The following DNAJB14 variants were observed in gnomAD, a reference collection of about 807,000 sequenced individuals.
DNAJB14 encodes the protein DnaJ heat shock protein family (Hsp40) member B14, also known as dnaJ homolog subfamily B member 14.
Under a neutral mutation model 48.4 loss-of-function variants are expected in DNAJB14, and 22 were observed. That is an observed-to-expected ratio of 0.45 (90% CI 0.32 to 0.65). The LOEUF (loss-of-function observed/expected upper bound fraction) is 0.65, where lower values mean the gene tolerates loss of function less well. DNAJB14 is among the 30% of genes least tolerant of loss of function. The probability of loss-of-function intolerance (pLI) is 0.03; values close to 1 mark genes in which losing one functional copy is unlikely to be tolerated. For synonymous variants in DNAJB14, 142 were observed against 158.7 expected (o/e 0.89, Z 0.79); for missense variants, 319 against 458.8 (o/e 0.70, Z 2.78).
intron 2 of DNAJB14, chr4:99,926,515 A>G (rs1286423109): frequency 6.6e-6 from 1 of 152,170 alleles, no homozygotes; most frequent in Non-Finnish European, 1.5e-5. Flanking sequence ...GCAAAAAATA[A>G]AAGGTAAATT....
Position 99,938,097 on chromosome 4 carries a change from C to CAAAAAAAAAAAAAAAAAAAAAAAAAA in DNAJB14, c.134-7502_134-7477dup, listed in dbSNP as rs59597113. ...ACATGGCGAAACCATGTTAAAAATA[C>CAAAAAAAAAAAAAAAAAAAAAAAAAA]AAAAAAAAAAAAAAAAAAAAAAAAA... On this transcript the variant is annotated intron_variant, in intron 1 of 7. Transcript: ENST00000442697. 2.4e-4 allele frequency among the ~76,000 whole-genome samples: 10 copies of CAAAAAAAAAAAAAAAAAAAAAAAAAA among 40,978 alleles called. 1 individual carries two copies. The highest frequency in any genetic ancestry group is 3.1e-4 in the African/African-American group (4 of 12,712). 26.9% of individuals were successfully genotyped at this position (40,978 alleles called of 152,430 possible). A position where few individuals can be genotyped will look rare whatever the true frequency, so the allele number is the denominator to read the frequency against.
Position 99,906,549 on chromosome 4 carries a change from T to C in DNAJB14, c.700A>G (p.Ser234Gly), listed in dbSNP as rs1039693070. Residue 234 changes from serine to glycine, a missense_variant, in exon 5 of 8, where the codon AGT (serine) becomes GGT (glycine). By Grantham distance (56) the Ser-to-Gly change is moderately conservative (BLOSUM62 0). This residue lies in a region of DNAJB14 where 166 missense variants were observed against 236.3 expected (regional missense o/e 0.70). Transcript: ENST00000442697. Reference protein sequence around the residue: ...GYSQQHQHRHSGHEREEERGD... With the variant: ...GYSQQHQHRHGGHEREEERGD... ...CTTTCCTCTTCTCTTTCATGTCCACTATGTCGATGCTGATGTTGTTGGCTA... is the reference window on the plus strand; with the variant it reads ...CTTTCCTCTTCTCTTTCATGTCCACCATGTCGATGCTGATGTTGTTGGCTA... 6.2e-7 allele frequency: 1 copy of C among 1,611,480 alleles called. No homozygotes were observed.
intron 2 of DNAJB14, chr4:99,930,241 T>A (rs537455787): frequency 2.6e-6 from 1 of 390,518 alleles, no homozygotes; most frequent in South Asian, 1.3e-4. Context: ...GCTTTGTAAC[T>A]TGAGGTTACT....
Position 99,899,102 on chromosome 4 carries a change from G to T in DNAJB14, c.*1926C>A, listed in dbSNP as rs761866564. On this transcript the variant is annotated 3_prime_UTR_variant, in exon 8 of 8. Transcript: ENST00000442697. ...TATGACTTTATAATATATACTTTAT[G>T]GTATCACTTAACTTTGTACAATAAC... 6.6e-5 allele frequency: 10 copies of T among 151,750 alleles called. No homozygotes were observed. Among genetic ancestry groups the T allele is most frequent in the Non-Finnish European group, 1.2e-4 (8 of 67,774 alleles). 9.4% of individuals were successfully genotyped at this position (151,750 alleles called of 1,614,324 possible).
At chr4:99,930,758 C>T (rs1462782889) in intron 1 of DNAJB14, 137 bp from the exon 2 acceptor site, 7 of 841,686 alleles carry the variant, frequency 8.3e-6, no homozygotes, top group East Asian at 2.8e-5. Flanking sequence ...TTAATTAGCA[C>T]GCATTCCCCT....
intron 1 of DNAJB14, among the ~76,000 whole-genome samples, chr4:99,938,513 T>C (rs994693276): frequency 4.6e-5 from 7 of 152,048 alleles, no homozygotes; most frequent in African/African-American, 1.7e-4. Flanking sequence ...TGGGAGATCA[T>C]GTCTACAGCT....
rs186412137 is a variant in DNAJB14 at position 99,943,108 on chromosome 4, T to A, written c.133+3331A>T. On this transcript the variant is annotated intron_variant, in intron 1 of 7. Transcript: ENST00000442697. ...ATATAAAATACACTTCTCTGAGTAC[T>A]GGCATATAACTTTATTTCAGCTCAC... Among the ~76,000 whole-genome samples the A allele has an allele frequency of 1.2e-4, 18 of 152,328 alleles. No homozygotes were observed. The East Asian group carries it at 3.5e-3, about 29-fold the overall frequency.
chr4:99,939,419 AC>A (rs1419138364), intron 1 of DNAJB14, among the ~76,000 whole-genome samples: 1 of 152,310 alleles, frequency 6.6e-6, no homozygotes, highest in East Asian at 1.9e-4. Context: ...GGCCACGAAG[AC>A]CCACTGCATG....
intron 3 of DNAJB14, among the ~76,000 whole-genome samples, chr4:99,912,961 G>A (rs537653160): frequency 6.6e-6 from 1 of 152,240 alleles, no homozygotes; most frequent in East Asian, 1.9e-4. Context: ...AAATGCTAAT[G>A]TATTATTAAT....
chr4:99,902,709 T>C lies in DNAJB14; in HGVS notation c.1015+1017A>G, dbSNP rs1214005948. Among the ~76,000 whole-genome samples, 6 of 152,126 alleles carry C rather than the reference T, an allele frequency of 3.9e-5. No homozygotes were observed. In the South Asian group the frequency reaches 6.2e-4, roughly 16 times the overall value. On this transcript the variant is annotated intron_variant, in intron 7 of 7. Coordinates refer to ENST00000442697, the MANE Select transcript of DNAJB14 (RefSeq NM_001031723.4). ...AATTTTCACAACAAACCCCATAAAGTTGGTTATTTCTGAGAAGACGTTGGA... is the reference window on the plus strand; with the variant it reads ...AATTTTCACAACAAACCCCATAAAGCTGGTTATTTCTGAGAAGACGTTGGA...
rs1553944897 is a variant in DNAJB14, at chr4:99,897,201, A to AAAATAT, written c.*3826_*3827insATATTT. On this transcript the variant is annotated 3_prime_UTR_variant, in exon 8 of 8. Coordinates refer to ENST00000442697, the MANE Select transcript of DNAJB14 (RefSeq NM_001031723.4). Reference sequence around the variant, plus strand: ...TAATTAGCTGGGAAAAAAAAAAAAAAATATATATATATATATATACACCTA... The same window carrying AAAATAT: ...TAATTAGCTGGGAAAAAAAAAAAAAAAAATATATATATATATATATATATACACCTA... The AAAATAT allele has an allele frequency of 1.1e-4, 15 of 133,838 alleles. No homozygotes were observed. The highest frequency in any genetic ancestry group is 4.0e-4 in the African/African-American group (14 of 35,332). 8.3% of individuals were successfully genotyped at this position (133,838 alleles called of 1,614,324 possible).
intron 3 of DNAJB14, among the ~76,000 whole-genome samples, chr4:99,909,363 C>T (rs1725579066): frequency 6.6e-6 from 1 of 152,018 alleles, no homozygotes; most frequent in Non-Finnish European, 1.5e-5. Flanking sequence ...TTATTCTTAG[C>T]ACGATAAATA....
rs749146046 is a variant in DNAJB14 at position 99,946,618 on chromosome 4, C to A, written c.-47G>T. On this transcript the variant is annotated 5_prime_UTR_variant, in exon 1 of 8. Coordinates refer to ENST00000442697, the MANE Select transcript of DNAJB14 (RefSeq NM_001031723.4). The stretch of plus-strand genomic sequence containing the variant: ...CCTCCGGCAGCGCAGCTAAGAAGGG[C>A]GGAAGCCGCCGCCGCGGAGGAGGCG... 2.1e-5 allele frequency: 33 copies of A among 1,600,640 alleles called. No homozygotes were observed. The South Asian group carries it at 3.4e-4, about 17-fold the overall frequency.
chr4:99,944,572 C>T (rs1316868465), intron 1 of DNAJB14, among the ~76,000 whole-genome samples: 2 of 141,008 alleles, frequency 1.4e-5, no homozygotes, highest in Non-Finnish European at 1.6e-5. Context: ...TTTTTTTGGT[C>T]TTTTTTTTTT....
chr4:99,914,283 G>A (rs924442300), intron 3 of DNAJB14, among the ~76,000 whole-genome samples: 6 of 152,084 alleles, frequency 3.9e-5, no homozygotes, highest in African/African-American at 1.2e-4. Context: ...AAGAAAATGT[G>A]GCACATATAC....
rs1056098651 is a variant in DNAJB14 at position 99,946,317 on chromosome 4, G to A, written c.133+122C>T. On this transcript the variant is annotated intron_variant, in intron 1 of 7. Transcript: ENST00000442697. ...GATGCTCCCCACCGGGCCTGGGGCT[G>A]GGGCTGGCTCAGACAGGCCGGGGGC... The A allele has an allele frequency of 2.5e-5, 37 of 1,454,756 alleles. 1 individual carries two copies. The South Asian group carries it at 3.2e-4, about 13-fold the overall frequency. The allele number at this position is 1,454,756 out of a possible 1,614,324, so 90.1% of individuals were successfully genotyped here. A position where few individuals can be genotyped will look rare whatever the true frequency, so the allele number is the denominator to read the frequency against.
chr4:99,934,209 G>A (rs1230746711), intron 1 of DNAJB14, among the ~76,000 whole-genome samples: 1 of 152,110 alleles, frequency 6.6e-6, no homozygotes, highest in African/African-American at 2.4e-5. Context: ...ATAAAGGAAT[G>A]AGAAGATCTC....
chr4:99,905,770 T>C (rs1303011081), intron 5 of DNAJB14, 64 bp from the exon 6 acceptor site: 14 of 1,515,926 alleles, frequency 9.2e-6, no homozygotes, highest in Non-Finnish European at 1.8e-6. Flanking sequence ...AATACAACAG[T>C]TGTCATACAT....
At position 99,923,178 on chromosome 4, in the gene DNAJB14, T is replaced by G. The variant is rs1169429110; in HGVS notation, c.313A>C (p.Lys105Gln). 1.9e-6 allele frequency: 3 copies of G among 1,610,842 alleles called. No individual in the cohort carries two copies. The South Asian group carries it at 3.3e-5, about 18-fold the overall frequency. Residue 105 changes from lysine (K) to glutamine (Q), a missense_variant, in exon 3 of 8, where the codon AAA becomes CAA. Physicochemically the swap from Lys to Gln is moderately conservative, Grantham distance 53. Coordinates refer to ENST00000442697, the MANE Select transcript of DNAJB14 (RefSeq NM_001031723.4). ...DQVDGVLSIN[K>Q]CKNYYEVLGV... Reference sequence around the variant, plus strand: ...AGTACTTCATAGTAATTTTTACATTTGTTTATGCTGTGAACAAGAGAGTGT... The same window carrying G: ...AGTACTTCATAGTAATTTTTACATTGGTTTATGCTGTGAACAAGAGAGTGT...
Sources: allele counts gnomAD v4.1 joint callset (sites outside exome capture counted in the v4.1 genomes callset), GRCh38; gene constraint gnomAD v4.1.1; regional missense constraint gnomAD v4.1.1; transcripts MANE v1.5; gene names NCBI Gene and HGNC (gene_info 2026-07-23, HGNC 2026-07-21).